Variants in PDCD6IP observed in about 807,000 individuals in gnomAD.
PDCD6IP encodes the protein programmed cell death 6 interacting protein, also known as programmed cell death 6-interacting protein.
PDCD6IP carries 43 observed loss-of-function variants against 103.7 expected under a neutral mutation model. The ratio of observed to expected loss-of-function variants is 0.41; its 90% CI spans 0.32 to 0.53. The LOEUF (loss-of-function observed/expected upper bound fraction) is 0.53. Among genes scored for constraint, PDCD6IP ranks in the 20% least tolerant of loss-of-function variants. The pLI is 0.16. For missense variants in PDCD6IP, 871 were observed against 1,036.7 expected (o/e 0.84, Z 2.20); for synonymous variants, 354 against 378.7 (o/e 0.93, Z 0.76).
chr3:33,825,292 A>T lies in PDCD6IP; in HGVS notation c.568A>T (p.Ile190Phe). The change falls in exon 5 of 18, where the codon ATT becomes TTT. Residue 190 changes from isoleucine to phenylalanine, a missense_variant. Around this residue, in one of 5 missense-constraint regions of PDCD6IP, gnomAD observed 242 missense variants for 250.7 expected, o/e 0.97. Coordinates refer to ENST00000307296, the MANE Select transcript of PDCD6IP (RefSeq NM_013374.6). ...SPDTVGTLSLIMLAQAQEVFF... is the reference protein window; with the variant it reads ...SPDTVGTLSLFMLAQAQEVFF... ...AGATACTGTTGGGACCCTCAGTCTT[A>T]TTATGCTGGCACAGGCTCAAGAAGT... 1 of 1,613,314 alleles carries T rather than the reference A, an allele frequency of 6.2e-7. No individual in the cohort carries two copies. The highest frequency in any genetic ancestry group is 1.1e-5 in the South Asian group (1 of 90,808).
At chr3:33,811,183 C>G in intron 1 of PDCD6IP, 1 of 273,178 alleles carries the variant, frequency 3.7e-6, no homozygotes, top group Non-Finnish European at 7.7e-6. Flanking sequence ...CTGTGCCTGG[C>G]CCTTTCAGGT....
At chr3:33,812,215 A>G (rs1019016384) in intron 2 of PDCD6IP, 89 bp downstream of exon 2, 1 of 1,474,966 alleles carries the variant, frequency 6.8e-7, no homozygotes, top group Non-Finnish European at 9.0e-7. Context: ...GTTTTATGAG[A>G]TAGTGTTATA....
At chr3:33,826,691 A>C (rs1697133771) in intron 6 of PDCD6IP, 111 bp downstream of exon 6, 3 of 1,466,028 alleles carry the variant, frequency 2.0e-6, no homozygotes, top group South Asian at 2.5e-5. Context: ...GTTTTAATAG[A>C]GTTATCTGAA....
chr3:33,799,149 C>T, intron 1 of PDCD6IP: 1 of 587,990 alleles, frequency 1.7e-6, no homozygotes, highest in Non-Finnish European at 3.0e-6. Context: ...GCCTGCACGT[C>T]TGCTCTAGCC....
intron 6 of PDCD6IP, chr3:33,827,208 G>T: frequency 2.0e-6 from 2 of 978,980 alleles, no homozygotes; most frequent in Non-Finnish European, 2.4e-6. Context: ...ATTTGTTAAT[G>T]ACAAAGCAAA....
At chr3:33,813,891 T>C (rs1447375393) in intron 3 of PDCD6IP, among the ~76,000 whole-genome samples, 1 of 152,180 alleles carries the variant, frequency 6.6e-6, no homozygotes, top group African/African-American at 2.4e-5. Context: ...AAAAGTGTAA[T>C]ATGTAATAGC....
intron 15 of PDCD6IP, among the ~76,000 whole-genome samples, chr3:33,857,309 T>C (rs1380065975): frequency 2.0e-5 from 3 of 152,070 alleles, no homozygotes; most frequent in Non-Finnish European, 4.4e-5. Flanking sequence ...GCTTCTTAAG[T>C]AGCTGGCATT....
intron 15 of PDCD6IP, among the ~76,000 whole-genome samples, chr3:33,857,762 A>AGG: frequency 6.6e-6 from 1 of 152,258 alleles, no homozygotes; most frequent in South Asian, 2.1e-4. Context: ...AAGAATAGAT[A>AGG]GAAGATAGAT....
chr3:33,808,212 G>T (rs949749585), intron 1 of PDCD6IP, among the ~76,000 whole-genome samples: 1 of 152,096 alleles, frequency 6.6e-6, no homozygotes, highest in African/African-American at 2.4e-5. Context: ...ATCCTATGAA[G>T]AAAATGTTCA....
At chr3:33,847,285 A>G (rs894716902) in intron 12 of PDCD6IP, among the ~76,000 whole-genome samples, 1 of 152,236 alleles carries the variant, frequency 6.6e-6, no homozygotes, top group Non-Finnish European at 1.5e-5. Context: ...CTGCATTAGT[A>G]TGCACTGATA....
chr3:33,857,824 C>T (rs1370891823), intron 15 of PDCD6IP, among the ~76,000 whole-genome samples: 1 of 151,966 alleles, frequency 6.6e-6, no homozygotes, highest in Non-Finnish European at 1.5e-5. Context: ...ATATTTCTGC[C>T]CAAAACTCAG....
At chr3:33,816,238 G>A (rs1473414398) in intron 3 of PDCD6IP, among the ~76,000 whole-genome samples, 1 of 152,176 alleles carries the variant, frequency 6.6e-6, no homozygotes, top group Non-Finnish European at 1.5e-5. Context: ...CGGGTGCGGT[G>A]GCTCACGCCT....
chr3:33,821,582 T>TG (rs1298639937), intron 3 of PDCD6IP, among the ~76,000 whole-genome samples: 5 of 152,146 alleles, frequency 3.3e-5, no homozygotes, highest in Admixed American at 6.5e-5. Context: ...TTGATTGTGG[T>TG]GGGACAATGT....
chr3:33,800,194 G>T (rs1160502283), intron 1 of PDCD6IP, among the ~76,000 whole-genome samples: 4 of 150,728 alleles, frequency 2.7e-5, no homozygotes, highest in Non-Finnish European at 1.5e-5. Context: ...TCCTTCCTTA[G>T]CTTTAGGTAT....
intron 15 of PDCD6IP, among the ~76,000 whole-genome samples, chr3:33,856,703 C>G (rs1697837206): frequency 6.6e-6 from 1 of 152,024 alleles, no homozygotes; most frequent in South Asian, 2.1e-4. Context: ...AAGATAATGG[C>G]AGAATCCTTT....
intron 10 of PDCD6IP, among the ~76,000 whole-genome samples, chr3:33,842,529 CTG>C (rs950727658): frequency 6.6e-6 from 1 of 151,500 alleles, no homozygotes; most frequent in African/African-American, 2.4e-5. Context: ...ATTCCAATAT[CTG>C]TAGTTTTTGT....
chr3:33,858,420 A>T (rs1248107504), intron 15 of PDCD6IP, among the ~76,000 whole-genome samples: 1 of 152,180 alleles, frequency 6.6e-6, no homozygotes, highest in East Asian at 1.9e-4. Context: ...CTAGAGTTCT[A>T]GGTTGTAGTG....
intron 12 of PDCD6IP, among the ~76,000 whole-genome samples, chr3:33,849,511 G>T (rs1391848010): frequency 2.1e-5 from 3 of 142,512 alleles, no homozygotes; most frequent in Non-Finnish European, 4.6e-5. Flanking sequence ...ATAGCATCTA[G>T]AATGGTACCC....
At chr3:33,852,437 CTTTTTTT>C in intron 12 of PDCD6IP, 44 bp from the exon 13 acceptor site, 8 of 1,041,398 alleles carry the variant, frequency 7.7e-6, no homozygotes, top group South Asian at 4.4e-5. Context: ...TCGAAATTGG[CTTTTTTT>C]TTTTTTTTTT....
Sources: gnomAD v4.1 joint callset for allele counts (sites outside exome capture counted in the v4.1 genomes callset) on GRCh38, gnomAD v4.1.1 for gene constraint, gnomAD v4.1.1 regional missense constraint, MANE v1.5 for transcripts, NCBI Gene and HGNC (gene_info 2026-07-23, HGNC 2026-07-21) for gene names.